Variants in SEPTIN9 observed in about 807,000 individuals in gnomAD.
The protein encoded by SEPTIN9 is septin 9, also known as septin-9.
A neutral mutation model predicts 56.6 loss-of-function variants in SEPTIN9; 13 were observed. The ratio of observed to expected loss-of-function variants is 0.23; its 90% CI spans 0.15 to 0.37. The LOEUF (loss-of-function observed/expected upper bound fraction) is 0.37, where lower values mean the gene tolerates loss of function less well. Among genes scored for constraint, SEPTIN9 ranks in the 10% least tolerant of loss-of-function variants. The pLI, the probability that SEPTIN9 is intolerant of heterozygous loss-of-function variation, is 1.00. For missense variants in SEPTIN9, 650 were observed against 823.1 expected (o/e 0.79, Z 2.57); for synonymous variants, 332 against 334.1 (o/e 0.99, Z 0.07).
chr17:77,487,794 A>G lies in SEPTIN9; in HGVS notation c.1042+242A>G, dbSNP rs1005710283. Among the ~76,000 whole-genome samples, 9 of 150,344 alleles carry G rather than the reference A, an allele frequency of 6.0e-5. No homozygotes were observed. Among genetic ancestry groups the G allele is most frequent in the Admixed American group, 4.6e-4 (7 of 15,114 alleles). On this transcript the variant is annotated intron_variant, in intron 5 of 11. Transcript: ENST00000427177. This position sits in a 1 kb window ranked among gnomAD's most constrained non-coding sequence, Gnocchi z 4.3. ...TGGAGCACAGGGGTTGGGGGTCAAG[A>G]CCATCACACACGGTCAGTGGCTGGG...
chr17:77,455,718 G>T (rs1299029796), intron 3 of SEPTIN9, among the ~76,000 whole-genome samples: 1 of 152,226 alleles, frequency 6.6e-6, no homozygotes, highest in Non-Finnish European at 1.5e-5. Context: ...ATTGTGTCTT[G>T]TCGATCCACG....
At chr17:77,477,192 C>A (rs918601369) in intron 3 of SEPTIN9, among the ~76,000 whole-genome samples, 1 of 151,898 alleles carries the variant, frequency 6.6e-6, no homozygotes, top group Non-Finnish European at 1.5e-5. Context: ...ACACCATCCG[C>A]CGATTCAGAA....
At chr17:77,357,754 G>T (rs553055903) in intron 2 of SEPTIN9, among the ~76,000 whole-genome samples, 1 of 152,006 alleles carries the variant, frequency 6.6e-6, no homozygotes, top group Non-Finnish European at 1.5e-5. Context: ...AGCTGGGACC[G>T]CAGGCATCCA....
intron 2 of SEPTIN9, among the ~76,000 whole-genome samples, chr17:77,392,149 C>A (rs1251807876): frequency 6.6e-6 from 1 of 152,220 alleles, no homozygotes; most frequent in Non-Finnish European, 1.5e-5. Context: ...TGGCACTAGG[C>A]AGACCTGCTC....
chr17:77,372,171 CCT>C, intron 2 of SEPTIN9, among the ~76,000 whole-genome samples: 1 of 152,312 alleles, frequency 6.6e-6, no homozygotes, highest in South Asian at 2.1e-4. Context: ...TCACATGGCC[CCT>C]GACTCTGGGC....
intron 3 of SEPTIN9, among the ~76,000 whole-genome samples, chr17:77,431,084 T>C (rs1227250999): frequency 1.3e-5 from 2 of 152,092 alleles, no homozygotes; most frequent in Admixed American, 1.3e-4. Context: ...GGCTCACGCC[T>C]GTAATCCCAG....
intron 2 of SEPTIN9, among the ~76,000 whole-genome samples, chr17:77,399,156 G>T (rs748256065): frequency 6.6e-6 from 1 of 152,178 alleles, no homozygotes; most frequent in African/African-American, 2.4e-5. Flanking sequence ...CATTGCATCC[G>T]CACCGTAGAC....
rs376918107 is a variant in SEPTIN9, at chr17:77,284,366, G to C, written c.19+2812G>C. On this transcript the variant is annotated intron_variant, in intron 1 of 11. Transcript: ENST00000427177. ...CACACAGGGCAGCTGCAGGATCCAGGGGGACACTGGGGACAGGTTCTCTCT... is the reference window on the plus strand; with the variant it reads ...CACACAGGGCAGCTGCAGGATCCAGCGGGACACTGGGGACAGGTTCTCTCT... Among the ~76,000 whole-genome samples, 567 of 152,352 alleles carry C rather than the reference G, an allele frequency of 3.7e-3. 2 individuals carry two copies. The highest frequency in any genetic ancestry group is 0.013 in the African/African-American group (537 of 41,586).
At chr17:77,349,462 G>A (rs749549060) in intron 2 of SEPTIN9, among the ~76,000 whole-genome samples, 3 of 152,208 alleles carry the variant, frequency 2.0e-5, no homozygotes, top group Non-Finnish European at 2.9e-5. Flanking sequence ...AGAATTCTGA[G>A]TTGTCAGTTT....
At chr17:77,408,454 GA>G (rs2036170887) in intron 3 of SEPTIN9, among the ~76,000 whole-genome samples, 1 of 151,604 alleles carries the variant, frequency 6.6e-6, no homozygotes, top group Admixed American at 6.6e-5. Flanking sequence ...AGGCCCCCCC[GA>G]GCTGATGATG....
chr17:77,451,760 G>A lies in SEPTIN9; in HGVS notation c.722-30384G>A, dbSNP rs1318872406. On this transcript the variant is annotated intron_variant, in intron 3 of 11. Transcript: ENST00000427177. This position sits in a 1 kb window ranked among gnomAD's most constrained non-coding sequence, Gnocchi z 4.2. The stretch of plus-strand genomic sequence containing the variant: ...TTTCGGCCTCAAAATAGAAGAATAG[G>A]GCTTTGTGTGGTCACAGCTATCTCT... Among the ~76,000 whole-genome samples, 3 of 152,208 alleles carry A rather than the reference G, an allele frequency of 2.0e-5. No individual in the cohort carries two copies. The highest frequency in any genetic ancestry group is 2.9e-5 in the Non-Finnish European group (2 of 68,032).
chr17:77,292,790 G>A (rs1297997247), intron 1 of SEPTIN9, among the ~76,000 whole-genome samples: 3 of 151,764 alleles, frequency 2.0e-5, no homozygotes, highest in Non-Finnish European at 2.9e-5. Context: ...CACCAGGCCC[G>A]GCCGTTGAGA....
In SEPTIN9 at chr17:77,456,031, G is replaced by T. The variant is rs1330849190; in HGVS notation, c.722-26113G>T. On this transcript the variant is annotated intron_variant, in intron 3 of 11. Transcript: ENST00000427177. This position sits in a 1 kb window ranked among gnomAD's most constrained non-coding sequence, Gnocchi z 6.0. ...CCGCTTCCCATGCGCCACGTGACTA[G>T]GAGGGTCTTGGGGCAGGATGGTGTC... Among the ~76,000 whole-genome samples, 3 of 152,242 alleles carry T rather than the reference G, an allele frequency of 2.0e-5. No homozygotes were observed. The highest frequency in any genetic ancestry group is 2.1e-4 in the South Asian group (1 of 4,834).
chr17:77,412,176 C>T (rs1350508876), intron 3 of SEPTIN9, among the ~76,000 whole-genome samples: 1 of 151,522 alleles, frequency 6.6e-6, no homozygotes, highest in African/African-American at 2.4e-5. Flanking sequence ...CCTGAATTGG[C>T]CTCTAAAGTG....
At chr17:77,481,792 C>T (rs1369344676) in intron 3 of SEPTIN9, 2 of 314,082 alleles carry the variant, frequency 6.4e-6, no homozygotes, top group Non-Finnish European at 1.2e-5. Context: ...TCTGAGCAGC[C>T]CTCCAGGGTA....
chr17:77,316,681 G>A (rs1334077704), intron 2 of SEPTIN9, among the ~76,000 whole-genome samples: 3 of 151,740 alleles, frequency 2.0e-5, no homozygotes, highest in Non-Finnish European at 4.4e-5. Context: ...TCTCGAGTGA[G>A]GTTAATGGGT....
chr17:77,373,383 G>T (rs928089673), intron 2 of SEPTIN9: 266 of 1,237,256 alleles, frequency 2.1e-4, no homozygotes, highest in Non-Finnish European at 2.6e-4. Context: ...CCGGCGGCTA[G>T]CTCTGCACTG....
chr17:77,327,741 T>C lies in SEPTIN9; in HGVS notation c.76+20544T>C, dbSNP rs182469361. Among the ~76,000 whole-genome samples the C allele has an allele frequency of 3.9e-5, 6 of 152,280 alleles. No individual in the cohort carries two copies. The highest frequency in any genetic ancestry group is 8.8e-5 in the Non-Finnish European group (6 of 68,004). On this transcript the variant is annotated intron_variant, in intron 2 of 11. Coordinates refer to ENST00000427177, the MANE Select transcript of SEPTIN9 (RefSeq NM_001113491.2). The surrounding 1 kb of genome is among the most constrained non-coding windows in gnomAD (Gnocchi z 5.0). ...CATCCGTGGAGCCACCCTCCTCTTT[T>C]TTTTTCTAAATGGGGAAACTCTGAC...
chr17:77,481,587 A>G (rs113904782), intron 3 of SEPTIN9, among the ~76,000 whole-genome samples: 15,994 of 152,060 alleles, frequency 0.11, 1,032 homozygotes, highest in East Asian at 0.26. Context: ...GGAGGCGGGG[A>G]CACACGCTGG....
Sources: allele counts gnomAD v4.1 joint callset (sites outside exome capture counted in the v4.1 genomes callset), GRCh38; gene constraint gnomAD v4.1.1; non-coding constraint Gnocchi (gnomAD v3.1); transcripts MANE v1.5; gene names NCBI Gene and HGNC (gene_info 2026-07-23, HGNC 2026-07-21).